The following SFXN5 variants were observed in gnomAD, a reference collection of about 807,000 sequenced individuals.
SFXN5 encodes sideroflexin 5.
A neutral mutation model predicts 50.2 loss-of-function variants in SFXN5; 43 were observed. The ratio of observed to expected loss-of-function variants is 0.86; its 90% CI spans 0.67 to 1.11. The LOEUF is 1.11. Among genes scored for constraint, SFXN5 ranks in the 50% least tolerant of loss-of-function variants. The pLI, the probability that SFXN5 is intolerant of heterozygous loss-of-function variation, is 0.00. For synonymous variants in SFXN5, 203 were observed against 185.8 expected, an observed-to-expected ratio of 1.09 and a Z score of -0.75; for missense variants, 463 against 454.1, an observed-to-expected ratio of 1.02 and a Z score of -0.18.
chr2:72,986,794 T>C (rs1233900034), intron 10 of SFXN5, among the ~76,000 whole-genome samples: 3 of 152,226 alleles, frequency 2.0e-5, no homozygotes, highest in Admixed American at 2.0e-4. Context: ...CTGGGGCATC[T>C]ATGGTGAGCT....
At chr2:73,006,486 G>A (rs1182622760) in intron 6 of SFXN5, among the ~76,000 whole-genome samples, 1 of 152,158 alleles carries the variant, frequency 6.6e-6, no homozygotes, top group East Asian at 1.9e-4. Flanking sequence ...GCTGAGGGTG[G>A]TGGCAGGTGA....
chr2:73,056,519 C>T (rs1682149623), intron 2 of SFXN5, among the ~76,000 whole-genome samples: 1 of 151,590 alleles, frequency 6.6e-6, no homozygotes, highest in Non-Finnish European at 1.5e-5. Context: ...AACCCCATCT[C>T]TACTAAAAAT....
intron 3 of SFXN5, among the ~76,000 whole-genome samples, chr2:73,032,332 G>A (rs1458377004): frequency 6.6e-6 from 1 of 152,212 alleles, no homozygotes; most frequent in African/African-American, 2.4e-5. Context: ...ATAAAAATAT[G>A]CAGCTTTGAT....
At chr2:73,003,474 A>T (rs1476574787) in intron 6 of SFXN5, among the ~76,000 whole-genome samples, 1 of 152,170 alleles carries the variant, frequency 6.6e-6, no homozygotes, top group Non-Finnish European at 1.5e-5. Flanking sequence ...TCTTGGGGGA[A>T]ATATTTTCCA....
At chr2:73,047,275 TACAC>T (rs1300394771) in intron 2 of SFXN5, among the ~76,000 whole-genome samples, 1 of 51,746 alleles carries the variant, frequency 1.9e-5, no homozygotes, top group African/African-American at 8.1e-5. Flanking sequence ...TATATATATA[TACAC>T]ACATATATAT....
chr2:73,013,839 C>T (rs1675837528), intron 6 of SFXN5, among the ~76,000 whole-genome samples: 1 of 152,230 alleles, frequency 6.6e-6, no homozygotes, highest in Non-Finnish European at 1.5e-5. Context: ...GAAGCACCCC[C>T]TGTTCTCCTG....
chr2:73,051,538 G>A (rs1210297355), intron 2 of SFXN5, among the ~76,000 whole-genome samples: 2 of 152,124 alleles, frequency 1.3e-5, no homozygotes, highest in Admixed American at 1.3e-4. Context: ...TTACAGGCGT[G>A]AGCCACCGCC....
At chr2:72,998,869 G>T in intron 9 of SFXN5, 80 bp downstream of exon 9, 1 of 1,498,652 alleles carries the variant, frequency 6.7e-7, no homozygotes, top group Non-Finnish European at 9.2e-7. Flanking sequence ...CTGGCCCTCA[G>T]ACAAGCATCC....
chr2:73,054,961 C>T (rs1395806388), intron 2 of SFXN5, among the ~76,000 whole-genome samples: 1 of 152,188 alleles, frequency 6.6e-6, no homozygotes. Context: ...ATACCTATGC[C>T]CTTTGTCCTT....
Position 72,993,378 on chromosome 2 carries a change from T to C in SFXN5, c.535-5030A>G, listed in dbSNP as rs2105621007. On this transcript the variant is annotated intron_variant, in intron 9 of 13. Coordinates refer to ENST00000272433, the MANE Select transcript of SFXN5 (RefSeq NM_144579.3). ...CTTGGCAATGGGGTCAGCAGCAAAG[T>C]AGCCAAGTAGCTGGGACAGAGCTCT... Among the ~76,000 whole-genome samples the C allele has an allele frequency of 2.0e-5, 3 of 152,302 alleles. No individual in the cohort carries two copies. The Middle Eastern group carries it at 0.01, about 518-fold the overall frequency.
intron 6 of SFXN5, among the ~76,000 whole-genome samples, chr2:73,009,063 A>G (rs1291745255): frequency 6.6e-6 from 1 of 152,206 alleles, no homozygotes; most frequent in Admixed American, 6.5e-5. Flanking sequence ...GGCACCTGCC[A>G]GCCTTACTCG....
chr2:73,034,249 G>A (rs2093195239), intron 3 of SFXN5, among the ~76,000 whole-genome samples: 1 of 152,236 alleles, frequency 6.6e-6, no homozygotes, highest in South Asian at 2.1e-4. Flanking sequence ...GCCTGGCCCA[G>A]AGGGGCAGGG....
rs1466070182 is a variant in SFXN5 at position 72,973,754 on chromosome 2, A to G, written c.626-2069T>C. Reference sequence around the variant, plus strand: ...AGGGTCCCCCAGGGTAGCCTTGGGAAGCAGCCACCTGGCCTCTGTGTTAGT... The same window carrying G: ...AGGGTCCCCCAGGGTAGCCTTGGGAGGCAGCCACCTGGCCTCTGTGTTAGT... On this transcript the variant is annotated intron_variant, in intron 10 of 13. Coordinates refer to ENST00000272433, the MANE Select transcript of SFXN5 (RefSeq NM_144579.3). This position sits in a 1 kb window ranked among gnomAD's most constrained non-coding sequence, Gnocchi z 5.5. Among the ~76,000 whole-genome samples the G allele has an allele frequency of 6.6e-6, 1 of 152,178 alleles. No individual in the cohort carries two copies. Among genetic ancestry groups the G allele is most frequent in the Non-Finnish European group, 1.5e-5 (1 of 68,028 alleles).
At chr2:73,000,530 C>A (rs1452214429) in intron 7 of SFXN5, 43 bp from the exon 8 acceptor site, 1 of 1,542,538 alleles carries the variant, frequency 6.5e-7, no homozygotes, top group African/African-American at 1.4e-5. Context: ...GAGTGGTCAC[C>A]TCCCTGGAAG....
chr2:72,954,925 T>C (rs977662788), intron 13 of SFXN5, among the ~76,000 whole-genome samples: 2 of 152,202 alleles, frequency 1.3e-5, no homozygotes, highest in Non-Finnish European at 2.9e-5. Context: ...AGGAAGAAAC[T>C]TAGTTCCAAC....
At chr2:73,037,040 C>T (rs934179050) in intron 3 of SFXN5, among the ~76,000 whole-genome samples, 1 of 152,238 alleles carries the variant, frequency 6.6e-6, no homozygotes, top group African/African-American at 2.4e-5. Context: ...GTGCTGCTTC[C>T]GCTCATGCAT....
intron 3 of SFXN5, among the ~76,000 whole-genome samples, chr2:73,035,517 T>G (rs1678858228): frequency 7.0e-6 from 1 of 142,476 alleles, no homozygotes; most frequent in Non-Finnish European, 1.5e-5. Context: ...TTTTTTTTTT[T>G]GAGACCGAGT....
At position 73,047,219 on chromosome 2, in the gene SFXN5, TAAAAAAAAAAAAAA is replaced by T. The variant is rs748772614; in HGVS notation, c.172-6302_172-6289del. 2.3e-3 allele frequency among the ~76,000 whole-genome samples: 64 copies of T among 27,520 alleles called. 2 individuals are homozygous for T. The East Asian group carries it at 0.033, about 14-fold the overall frequency. The allele number at this position is 27,520 out of a possible 152,430, so 18.1% of individuals were successfully genotyped here. On this transcript the variant is annotated intron_variant, in intron 2 of 13. Coordinates refer to ENST00000272433, the MANE Select transcript of SFXN5 (RefSeq NM_144579.3). ...GGTGACAGAGTGAGACTCCATCTCGTAAAAAAAAAAAAAAAAAAAAAAAAAAATATATATATATA... is the reference window on the plus strand; with the variant it reads ...GGTGACAGAGTGAGACTCCATCTCGTAAAAAAAAAAAAATATATATATATA...
At chr2:73,057,697 C>T (rs1452823691) in intron 2 of SFXN5, among the ~76,000 whole-genome samples, 1 of 152,152 alleles carries the variant, frequency 6.6e-6, no homozygotes, top group East Asian at 1.9e-4. Flanking sequence ...ATTGTAAACC[C>T]CATAATCCCC....
Sources: allele counts gnomAD v4.1 joint callset (sites outside exome capture counted in the v4.1 genomes callset), GRCh38; gene constraint gnomAD v4.1.1; non-coding constraint Gnocchi (gnomAD v3.1); transcripts MANE v1.5; gene names NCBI Gene and HGNC (gene_info 2026-07-23, HGNC 2026-07-21).